PAK1: variants seen among roughly 807,000 people sequenced by gnomAD.
The protein encoded by PAK1 is p21 (RAC1) activated kinase 1.
Under a neutral mutation model 67.4 loss-of-function variants are expected in PAK1, and 29 were observed. The ratio of observed to expected loss-of-function variants is 0.43; its 90% CI spans 0.32 to 0.59. The LOEUF is 0.59. Among genes scored for constraint, PAK1 ranks in the 20% least tolerant of loss-of-function variants. The pLI is 0.07. For synonymous variants in PAK1, 223 were observed against 237.4 expected (o/e 0.94, Z 0.56); for missense variants, 337 against 670.7 (o/e 0.50, Z 5.50).
intron 1 of PAK1, among the ~76,000 whole-genome samples, chr11:77,453,370 T>A (rs1252390940): frequency 1.3e-5 from 2 of 151,872 alleles, no homozygotes; most frequent in African/African-American, 4.8e-5. Context: ...AAAAAAAAAT[T>A]TTTTTGGAAA....
the PAK1 span, among the ~76,000 whole-genome samples, chr11:77,504,745 C>G: frequency 4.6e-5 from 7 of 152,300 alleles, no homozygotes; most frequent in African/African-American, 1.7e-4. Context: ...GAGGTAGGGA[C>G]TTGAAATAGA....
chr11:77,405,275 C>T (rs1005900169), intron 1 of PAK1, among the ~76,000 whole-genome samples: 11 of 152,206 alleles, frequency 7.2e-5, no homozygotes, highest in South Asian at 4.2e-4. Context: ...ACTTTATAGG[C>T]CACAATAAAT....
intron 2 of PAK1, among the ~76,000 whole-genome samples, chr11:77,385,407 A>C (rs1950321672): frequency 6.6e-6 from 1 of 152,240 alleles, no homozygotes; most frequent in Non-Finnish European, 1.5e-5. Flanking sequence ...AATAAATTTG[A>C]CCACATTAAA....
chr11:77,418,894 G>A (rs1045163194), intron 1 of PAK1, among the ~76,000 whole-genome samples: 126 of 152,308 alleles, frequency 8.3e-4, no homozygotes, highest in Non-Finnish European at 6.6e-4. Context: ...AAAAATGACT[G>A]AACCAAATAA....
chr11:77,427,026 G>A (rs546341113), intron 1 of PAK1, among the ~76,000 whole-genome samples: 2 of 152,242 alleles, frequency 1.3e-5, no homozygotes, highest in Non-Finnish European at 2.9e-5. Flanking sequence ...GTTGGTAGTG[G>A]GATCTAAAGA....
chr11:77,490,477 C>G, the PAK1 span, among the ~76,000 whole-genome samples: 1 of 147,808 alleles, frequency 6.8e-6, no homozygotes, highest in Non-Finnish European at 1.5e-5. Context: ...GCCCCCCGCC[C>G]GGCCAGCCGC....
intron 1 of PAK1, among the ~76,000 whole-genome samples, chr11:77,416,404 C>G (rs1284380882): frequency 1.3e-5 from 2 of 152,102 alleles, no homozygotes; most frequent in African/African-American, 4.8e-5. Context: ...TCTTGTCCCA[C>G]TGTCAATATT....
intron 8 of PAK1, among the ~76,000 whole-genome samples, chr11:77,350,112 ATATT>A (rs1945028327): frequency 6.6e-6 from 1 of 152,196 alleles, no homozygotes; most frequent in Non-Finnish European, 1.5e-5. Flanking sequence ...TCCCACTCTG[ATATT>A]ACAGGATACA....
intron 1 of PAK1, among the ~76,000 whole-genome samples, chr11:77,457,173 G>A (rs1466456006): frequency 6.6e-6 from 1 of 152,198 alleles, no homozygotes; most frequent in Admixed American, 6.5e-5. Flanking sequence ...GTCAGTAGCA[G>A]AGATTTTAAC....
At chr11:77,370,283 T>C (rs1565627183) in intron 5 of PAK1, among the ~76,000 whole-genome samples, 1 of 151,188 alleles carries the variant, frequency 6.6e-6, no homozygotes, top group East Asian at 2.0e-4. Flanking sequence ...TCTTTATATC[T>C]GCGGTAGAAT....
At chr11:77,518,793 A>G in the PAK1 span, among the ~76,000 whole-genome samples, 2 of 152,158 alleles carry the variant, frequency 1.3e-5, no homozygotes, top group African/African-American at 4.8e-5. Context: ...ATTGATATAC[A>G]TGGACCAGGC....
At chr11:77,428,254 A>G (rs1955658991) in intron 1 of PAK1, among the ~76,000 whole-genome samples, 1 of 152,122 alleles carries the variant, frequency 6.6e-6, no homozygotes, top group Admixed American at 6.6e-5. Flanking sequence ...ATCAGTTAGG[A>G]GGCTTTGTGT....
chr11:77,431,422 A>G (rs1299292922), intron 1 of PAK1, among the ~76,000 whole-genome samples: 1 of 152,190 alleles, frequency 6.6e-6, no homozygotes, highest in Non-Finnish European at 1.5e-5. Flanking sequence ...ATGTTTAACA[A>G]TGAGTTAAAC....
At chr11:77,359,846 G>A (rs1946543315) in intron 5 of PAK1, among the ~76,000 whole-genome samples, 1 of 152,066 alleles carries the variant, frequency 6.6e-6, no homozygotes, top group Non-Finnish European at 1.5e-5. Context: ...ATTTTTGATA[G>A]ATACCAAATG....
intron 2 of PAK1, among the ~76,000 whole-genome samples, chr11:77,386,317 GAC>G (rs1406222759): frequency 6.6e-6 from 1 of 152,176 alleles, no homozygotes; most frequent in Non-Finnish European, 1.5e-5. Flanking sequence ...GATAAACACT[GAC>G]ATAGTCCAAT....
intron 1 of PAK1, among the ~76,000 whole-genome samples, chr11:77,404,922 C>G (rs888119903): frequency 2.0e-5 from 3 of 152,164 alleles, no homozygotes; most frequent in African/African-American, 4.8e-5. Context: ...GTAAGAGATG[C>G]AGACAGAGAA....
chr11:77,518,043 T>C, the PAK1 span, among the ~76,000 whole-genome samples: 1 of 152,222 alleles, frequency 6.6e-6, no homozygotes, highest in African/African-American at 2.4e-5. Flanking sequence ...ACAATAAAAC[T>C]CTGCCCACTT....
At chr11:77,461,133 C>T (rs1472594344) in intron 1 of PAK1, among the ~76,000 whole-genome samples, 1 of 152,070 alleles carries the variant, frequency 6.6e-6, no homozygotes, top group Non-Finnish European at 1.5e-5. Context: ...TCCAGTAATC[C>T]CACCTATAGA....
At chr11:77,398,485 C>T (rs1952147880) in intron 1 of PAK1, among the ~76,000 whole-genome samples, 1 of 152,172 alleles carries the variant, frequency 6.6e-6, no homozygotes. Flanking sequence ...TGTACATGTT[C>T]CATCCATGTT....
Sources: allele counts gnomAD v4.1 joint callset (sites outside exome capture counted in the v4.1 genomes callset), GRCh38; gene constraint gnomAD v4.1.1; transcripts MANE v1.5; gene names NCBI Gene and HGNC (gene_info 2026-07-23, HGNC 2026-07-21).